Variants in CDON observed in about 807,000 individuals in gnomAD.
CDON encodes the protein cell adhesion associated, oncogene regulated.
A neutral mutation model predicts 120.9 loss-of-function variants in CDON; 73 were observed. That is an observed-to-expected ratio of 0.60 (90% CI 0.50 to 0.73). The LOEUF (loss-of-function observed/expected upper bound fraction) is 0.73. Ranked by LOEUF, CDON falls within the 30% of genes least tolerant of loss-of-function variation. The pLI is 0.00. For synonymous variants in CDON, 566 were observed against 573.5 expected, an observed-to-expected ratio of 0.99 and a Z score of 0.19; for missense variants, 1,470 against 1,587.3, an observed-to-expected ratio of 0.93 and a Z score of 1.26.
At chr11:125,982,769 C>G (rs1946350155) in intron 16 of CDON, among the ~76,000 whole-genome samples, 2 of 152,188 alleles carry the variant, frequency 1.3e-5, no homozygotes, top group African/African-American at 4.8e-5. Flanking sequence ...GATTAATGTT[C>G]TCTTTTAATG....
At chr11:126,061,010 A>T (rs1205327035) in intron 1 of CDON, among the ~76,000 whole-genome samples, 3 of 152,242 alleles carry the variant, frequency 2.0e-5, no homozygotes, top group African/African-American at 7.2e-5. Context: ...CAATCAAAGC[A>T]TCCCAAGTGA....
chr11:126,029,598 A>G (rs7939794), intron 1 of CDON, among the ~76,000 whole-genome samples: 102 of 152,196 alleles, frequency 6.7e-4, no homozygotes, highest in African/African-American at 2.3e-3. Flanking sequence ...AATCTACTAG[A>G]GGTAATAAAA....
rs138327347 is a variant in CDON at position 125,996,529 on chromosome 11, T to C, written c.2362+678A>G. ...GCCTGACTAGCATGGTGAAACCCCA[T>C]CTCTACTAAAAAATACAAAAATTAG... On this transcript the variant is annotated intron_variant, in intron 12 of 19. Transcript: ENST00000531738. Among the ~76,000 whole-genome samples the C allele has an allele frequency of 5.7e-3, 857 of 151,448 alleles. 26 individuals carry two copies. The South Asian group carries it at 0.073, about 13-fold the overall frequency.
chr11:126,003,832 T>C, intron 10 of CDON, 70 bp downstream of exon 10: 1 of 1,418,694 alleles, frequency 7.0e-7, no homozygotes, highest in Non-Finnish European at 1.0e-6. Context: ...AAAAAATAAA[T>C]TAATAATTCT....
intron 12 of CDON, 135 bp from the exon 13 acceptor site, chr11:125,995,187 A>G: frequency 1.3e-6 from 1 of 761,304 alleles, no homozygotes; most frequent in Non-Finnish European, 2.3e-6. Context: ...TAAAGTATCT[A>G]AAGCCTGTAT....
chr11:125,994,197 C>A, intron 14 of CDON, 87 bp downstream of exon 14: 1 of 775,888 alleles, frequency 1.3e-6, no homozygotes, highest in Non-Finnish European at 2.3e-6. Context: ...TTTGTACTGT[C>A]TTAATTTGGG....
intron 2 of CDON, among the ~76,000 whole-genome samples, chr11:126,022,357 A>T (rs1261564153): frequency 6.6e-6 from 1 of 152,196 alleles, no homozygotes. Flanking sequence ...AGAAATAGAA[A>T]GCTAGGAAGC....
At chr11:125,999,741 G>A (rs1946888525) in intron 11 of CDON, among the ~76,000 whole-genome samples, 1 of 151,996 alleles carries the variant, frequency 6.6e-6, no homozygotes, top group Non-Finnish European at 1.5e-5. Flanking sequence ...CATCCACACT[G>A]TCACTCCCCT....
At position 126,006,003 on chromosome 11, in the gene CDON, T is replaced by C; in HGVS notation, c.1607A>G (p.Gln536Arg). ...AETVTLPDAA[Q>R]NDDRSKRDGS... ...ATCTCTCTTACTTCTGTCATCATTC[T>C]GAGCAGCATCAGGAAGTGTGACTGT... Residue 536 changes from glutamine to arginine, a missense_variant, in exon 9 of 20, where the codon CAG (glutamine) becomes CGG (arginine). By Grantham distance (43) the Gln-to-Arg change is conservative (BLOSUM62 1). Transcript: ENST00000531738. The C allele has an allele frequency of 1.2e-6, 2 of 1,614,176 alleles. No individual in the cohort carries two copies. The highest frequency in any genetic ancestry group is 1.7e-6 in the Non-Finnish European group (2 of 1,180,014).
chr11:125,971,371 A>T (rs918213303), intron 18 of CDON, among the ~76,000 whole-genome samples: 1 of 125,530 alleles, frequency 8.0e-6, no homozygotes, highest in Non-Finnish European at 1.8e-5. Flanking sequence ...CGACACAGCG[A>T]GACTCTGTCT....
chr11:126,030,193 C>A (rs968760695), intron 1 of CDON, among the ~76,000 whole-genome samples: 2 of 152,180 alleles, frequency 1.3e-5, no homozygotes, highest in Non-Finnish European at 2.9e-5. Flanking sequence ...TATACCTCAT[C>A]TTAGAATAAG....
At chr11:126,035,798 A>T (rs1366771267) in intron 1 of CDON, among the ~76,000 whole-genome samples, 1 of 152,180 alleles carries the variant, frequency 6.6e-6, no homozygotes, top group African/African-American at 2.4e-5. Context: ...ATAGAAAAAC[A>T]AATCAATTAG....
intron 1 of CDON, among the ~76,000 whole-genome samples, chr11:126,044,888 A>G (rs2134862756): frequency 6.6e-6 from 1 of 152,354 alleles, no homozygotes; most frequent in East Asian, 1.9e-4. Context: ...AATAACTAAA[A>G]GAGTGGAATT....
rs765455628 is a variant in CDON, at chr11:126,005,874, G to T, written c.1736C>A (p.Ala579Asp). The T allele has an allele frequency of 6.2e-7, 1 of 1,614,006 alleles. No homozygotes were observed. Among genetic ancestry groups the T allele is most frequent in the East Asian group, 2.2e-5 (1 of 44,858 alleles). ...CTGTGGGGGGCTCAGTATGATGGGG[G>T]CATCAGGAACAGAGATGCCGCTGGC... ...KNASGISVPD[A>D]PIILSPPQTH... is the part of the protein sequence containing the mutation. The change falls in exon 9 of 20, where the codon GCC becomes GAC. Residue 579 changes from alanine (A) to aspartate (D), a missense_variant. Transcript: ENST00000531738.
chr11:125,965,386 C>G (rs988813403), intron 18 of CDON, among the ~76,000 whole-genome samples: 1 of 152,254 alleles, frequency 6.6e-6, no homozygotes, highest in African/African-American at 2.4e-5. Context: ...CCAAAGTACT[C>G]GAGGGGCTGA....
At chr11:126,038,671 G>C (rs1948170045) in intron 1 of CDON, among the ~76,000 whole-genome samples, 1 of 150,910 alleles carries the variant, frequency 6.6e-6, no homozygotes, top group African/African-American at 2.4e-5. Flanking sequence ...AAAAAAAAAA[G>C]AATCTCTGGT....
chr11:126,006,095 C>T (rs1947121680), intron 8 of CDON, 38 bp from the exon 9 acceptor site: 2 of 1,591,230 alleles, frequency 1.3e-6, no homozygotes, highest in South Asian at 2.2e-5. Context: ...TGAAGATACT[C>T]CTCATTTCAT....
chr11:126,045,603 T>C (rs1374459759), intron 1 of CDON, among the ~76,000 whole-genome samples: 1 of 152,160 alleles, frequency 6.6e-6, no homozygotes, highest in Non-Finnish European at 1.5e-5. Flanking sequence ...ATTTTATAAA[T>C]AATTATATGA....
rs1945620747 is a variant in CDON at position 125,960,816 on chromosome 11, T to C, written c.*126A>G. On this transcript the variant is annotated 3_prime_UTR_variant, in exon 20 of 20. Coordinates refer to ENST00000531738, the MANE Select transcript of CDON (RefSeq NM_001378964.1). ...TTAAGATACATTCATATGACATTAC[T>C]ACTACAAAAAAATAAATAATGATTT... The C allele has an allele frequency of 1.1e-6, 1 of 881,832 alleles. No individual in the cohort carries two copies. Among genetic ancestry groups the C allele is most frequent in the Non-Finnish European group, 1.9e-6 (1 of 523,280 alleles). The allele number at this position is 881,832 out of a possible 1,614,324, so 54.6% of individuals were successfully genotyped here.
Sources: gnomAD v4.1 joint callset for allele counts (sites outside exome capture counted in the v4.1 genomes callset) on GRCh38, gnomAD v4.1.1 for gene constraint, MANE v1.5 for transcripts, NCBI Gene and HGNC (gene_info 2026-07-23, HGNC 2026-07-21) for gene names.